PAX2: variants seen among roughly 807,000 people sequenced by gnomAD.
PAX2 encodes the protein paired box protein Pax-2.
PAX2 carries 9 observed loss-of-function variants against 41.7 expected under a neutral mutation model. The ratio of observed to expected loss-of-function variants is 0.22; its 90% CI spans 0.13 to 0.38. PAX2 has a LOEUF of 0.38. Ranked by LOEUF, PAX2 falls within the 10% of genes least tolerant of loss-of-function variation. The pLI, the probability that PAX2 is intolerant of heterozygous loss-of-function variation, is 1.00. For missense variants in PAX2, 418 were observed against 531.6 expected (o/e 0.79, Z 2.10); for synonymous variants, 221 against 212.7 (o/e 1.04, Z -0.34).
chr10:100,763,790 T>C (rs1403976782), intron 3 of PAX2, among the ~76,000 whole-genome samples: 1 of 152,234 alleles, frequency 6.6e-6, no homozygotes, highest in Non-Finnish European at 1.5e-5. Context: ...CATAAAGCTA[T>C]GTGGCATAGT....
intron 7 of PAX2, among the ~76,000 whole-genome samples, chr10:100,810,695 G>A (rs774528131): frequency 1.3e-5 from 2 of 152,206 alleles, no homozygotes; most frequent in Non-Finnish European, 2.9e-5. Context: ...AAGAGAACCC[G>A]GGAGACTTCT....
At chr10:100,784,310 G>A (rs757948412) in intron 5 of PAX2, among the ~76,000 whole-genome samples, 17 of 152,234 alleles carry the variant, frequency 1.1e-4, no homozygotes, top group Non-Finnish European at 1.5e-4. Context: ...TGACTGGGCC[G>A]GGACTGCAGC....
chr10:100,764,048 T>C (rs907520058), intron 3 of PAX2, among the ~76,000 whole-genome samples: 1 of 152,208 alleles, frequency 6.6e-6, no homozygotes, highest in Non-Finnish European at 1.5e-5. Flanking sequence ...GTTATTATTA[T>C]TGCAGTAGTA....
chr10:100,810,568 C>A (rs1420184523), intron 7 of PAX2, among the ~76,000 whole-genome samples: 1 of 152,236 alleles, frequency 6.6e-6, no homozygotes, highest in Non-Finnish European at 1.5e-5. Context: ...AGCTCTCTGA[C>A]CTGCTAGGTA....
chr10:100,739,883 C>A (rs1844893281), intron 1 of PAX2, among the ~76,000 whole-genome samples: 1 of 152,246 alleles, frequency 6.6e-6, no homozygotes, highest in African/African-American at 2.4e-5. Flanking sequence ...GACTCTCTCG[C>A]CCGGCCTAGG....
chr10:100,779,913 A>G (rs146330430), intron 4 of PAX2, among the ~76,000 whole-genome samples: 2,419 of 149,210 alleles, frequency 0.016, 39 homozygotes, highest in South Asian at 0.062. Context: ...CCTCTCCCTC[A>G]TTCTCCAACA....
intron 5 of PAX2, among the ~76,000 whole-genome samples, chr10:100,793,630 T>C (rs945034843): frequency 6.6e-6 from 1 of 152,228 alleles, no homozygotes; most frequent in African/African-American, 2.4e-5. Context: ...GTTTCCTCCA[T>C]ATCTCCCTCT....
intron 5 of PAX2, among the ~76,000 whole-genome samples, chr10:100,788,590 G>A (rs887320769): frequency 3.3e-5 from 5 of 152,240 alleles, no homozygotes; most frequent in African/African-American, 1.2e-4. Flanking sequence ...GGCAGAGGAA[G>A]GAGACAGGGC....
intron 7 of PAX2, among the ~76,000 whole-genome samples, chr10:100,816,561 C>A (rs74642533): frequency 6.6e-6 from 1 of 152,136 alleles, no homozygotes; most frequent in Non-Finnish European, 1.5e-5. Context: ...GGCCTCAAAG[C>A]CACCTAGGCA....
At chr10:100,755,220 G>A (rs558632947) in intron 3 of PAX2, among the ~76,000 whole-genome samples, 1 of 152,318 alleles carries the variant, frequency 6.6e-6, no homozygotes, top group African/African-American at 2.4e-5. Context: ...AGTTGTTTTA[G>A]CCTGGGCTTC....
chr10:100,749,724 T>A (rs1845363262), intron 1 of PAX2, 22 bp from the exon 2 acceptor site: 1 of 1,604,440 alleles, frequency 6.2e-7, no homozygotes, highest in South Asian at 1.1e-5. Context: ...GGGTGTTGTG[T>A]TTTTTTCTTG....
chr10:100,811,459 A>C (rs529293266), intron 7 of PAX2, among the ~76,000 whole-genome samples: 1 of 152,376 alleles, frequency 6.6e-6, no homozygotes, highest in East Asian at 1.9e-4. Flanking sequence ...TGGGTCCAGC[A>C]TGTTGGCCTT....
At chr10:100,769,605 T>C in intron 3 of PAX2, among the ~76,000 whole-genome samples, 1 of 137,624 alleles carries the variant, frequency 7.3e-6, no homozygotes, top group African/African-American at 2.9e-5. Flanking sequence ...TGGGCAACAG[T>C]GTGAGACTCC....
In PAX2 at chr10:100,824,720, C is replaced by T; in HGVS notation, c.992C>T (p.Pro331Leu). ...HVPPTGQGSY[P>L]TSTLAGMVPG... ...CCCCCCACTGGCCAGGGAAGCTACCCCACCTCCACCCTGGCAGGAATGGTG... is the reference window on the plus strand; with the variant it reads ...CCCCCCACTGGCCAGGGAAGCTACCTCACCTCCACCCTGGCAGGAATGGTG... The change falls in exon 8 of 10, where the codon CCC (proline) becomes CTC (leucine). Residue 331 changes from proline (P) to leucine (L), a missense_variant. By Grantham distance (98) the Pro-to-Leu change is moderately conservative. Around this residue, in one of 2 missense-constraint regions of PAX2, gnomAD observed 310 missense variants for 325.2 expected, o/e 0.95. Transcript: ENST00000355243. The surrounding 1 kb of genome is among the most constrained non-coding windows in gnomAD (Gnocchi z 6.6). The T allele has an allele frequency of 6.2e-7, 1 of 1,605,724 alleles. No individual in the cohort carries two copies. Among genetic ancestry groups the T allele is most frequent in the Non-Finnish European group, 8.5e-7 (1 of 1,172,392 alleles).
At chr10:100,808,573 T>G (rs1238912415) in intron 6 of PAX2, among the ~76,000 whole-genome samples, 1 of 152,084 alleles carries the variant, frequency 6.6e-6, no homozygotes, top group East Asian at 1.9e-4. Flanking sequence ...CTGTTAGCCA[T>G]GTGGACTCTC....
chr10:100,827,001 TC>T lies in PAX2; in HGVS notation c.1022-5del, dbSNP rs1848593302. On this transcript the variant is annotated splice_polypyrimidine_tract_variant and splice_region_variant and intron_variant, in intron 8 of 9. Transcript: ENST00000355243. This position sits in a 1 kb window ranked among gnomAD's most constrained non-coding sequence, Gnocchi z 8.5. Reference sequence around the variant, plus strand: ...GCGTCTGATCCCCACTCCCCGACCCTCCCGCAGGGAGCGAGTTCTCCGGCAA... The same window carrying T: ...GCGTCTGATCCCCACTCCCCGACCCTCCGCAGGGAGCGAGTTCTCCGGCAA... 6.2e-7 allele frequency: 1 copy of T among 1,608,386 alleles called. No individual in the cohort carries two copies. Among genetic ancestry groups the T allele is most frequent in the Non-Finnish European group, 8.5e-7 (1 of 1,175,180 alleles).
At chr10:100,749,711 G>A (rs1308166688) in intron 1 of PAX2, 35 bp from the exon 2 acceptor site, 2 of 1,600,804 alleles carry the variant, frequency 1.2e-6, no homozygotes, top group East Asian at 2.2e-5. Flanking sequence ...CCTGCTGTGT[G>A]TGGGGTGTTG....
intron 7 of PAX2, among the ~76,000 whole-genome samples, chr10:100,822,977 G>A (rs1284702109): frequency 2.0e-5 from 3 of 152,196 alleles, no homozygotes; most frequent in African/African-American, 4.8e-5. Context: ...GCCACATTTA[G>A]GACAGACAGG....
At chr10:100,749,083 G>C in intron 1 of PAX2, 2 of 985,498 alleles carry the variant, frequency 2.0e-6, no homozygotes, top group Non-Finnish European at 2.4e-6. Flanking sequence ...GTGAAAGAGA[G>C]ATACGGTCCC....
Sources: gnomAD v4.1 joint callset for allele counts (sites outside exome capture counted in the v4.1 genomes callset) on GRCh38, gnomAD v4.1.1 for gene constraint, gnomAD v4.1.1 regional missense constraint, Gnocchi (gnomAD v3.1) non-coding constraint, MANE v1.5 for transcripts, NCBI Gene and HGNC (gene_info 2026-07-23, HGNC 2026-07-21) for gene names.